Variants in CTNNA2 observed in about 807,000 individuals in gnomAD.
CTNNA2 encodes the protein catenin alpha 2.
CTNNA2 carries 42 observed loss-of-function variants against 101.0 expected under a neutral mutation model. The observed-to-expected ratio is 0.42, with a 90% CI of 0.32 to 0.54. The LOEUF (loss-of-function observed/expected upper bound fraction) is 0.54, where lower values mean the gene tolerates loss of function less well. Among genes scored for constraint, CTNNA2 ranks in the 20% least tolerant of loss-of-function variants. The pLI, the probability that CTNNA2 is intolerant of heterozygous loss-of-function variation, is 0.14. For synonymous variants in CTNNA2, 450 were observed against 456.4 expected, an observed-to-expected ratio of 0.99 and a Z score of 0.18; for missense variants, 871 against 1,223.1, an observed-to-expected ratio of 0.71 and a Z score of 4.29.
intron 2 of CTNNA2, among the ~76,000 whole-genome samples, chr2:79,267,989 A>G (rs1047711318): frequency 6.6e-6 from 1 of 152,100 alleles, no homozygotes; most frequent in Non-Finnish European, 1.5e-5. Context: ...TTATCAAAGC[A>G]CTCACTGACC....
At chr2:80,135,828 A>C (rs1268059262) in intron 7 of CTNNA2, among the ~76,000 whole-genome samples, 1 of 152,114 alleles carries the variant, frequency 6.6e-6, no homozygotes, top group Non-Finnish European at 1.5e-5. Flanking sequence ...AATGCTGTGG[A>C]TACTGCTCAC....
chr2:79,243,346 T>C (rs79400337), intron 2 of CTNNA2, among the ~76,000 whole-genome samples: 1,775 of 152,224 alleles, frequency 0.012, 40 homozygotes, highest in African/African-American at 0.04. Context: ...TTCTAAACAG[T>C]ATGTTTTACT....
At chr2:80,268,965 G>A (rs770557521) in intron 7 of CTNNA2, among the ~76,000 whole-genome samples, 3 of 152,144 alleles carry the variant, frequency 2.0e-5, no homozygotes, top group Admixed American at 1.3e-4. Flanking sequence ...AAGTAGCAAA[G>A]TTCATGCAAG....
At chr2:80,301,808 A>G (rs1194462178) in intron 7 of CTNNA2, 1 of 153,540 alleles carries the variant, frequency 6.5e-6, no homozygotes, top group African/African-American at 2.4e-5. Flanking sequence ...CCCACCCACC[A>G]AGGAAATTTT....
intron 18 of CTNNA2, among the ~76,000 whole-genome samples, chr2:80,627,553 T>A (rs996826249): frequency 3.3e-5 from 5 of 152,174 alleles, no homozygotes; most frequent in African/African-American, 1.2e-4. Context: ...TGCCCACTTT[T>A]TGATGGTTTT....
At chr2:80,580,829 A>C (rs530198019) in intron 13 of CTNNA2, among the ~76,000 whole-genome samples, 4 of 152,272 alleles carry the variant, frequency 2.6e-5, no homozygotes, top group African/African-American at 4.8e-5. Context: ...AGCCTGGCCA[A>C]CGTGGTGAAA....
At chr2:79,294,897 T>A (rs1413699330) in intron 2 of CTNNA2, among the ~76,000 whole-genome samples, 1 of 152,170 alleles carries the variant, frequency 6.6e-6, no homozygotes, top group Non-Finnish European at 1.5e-5. Context: ...GATTTTGATC[T>A]TATCTGCTGA....
chr2:80,426,175 G>A (rs922632545), intron 9 of CTNNA2, among the ~76,000 whole-genome samples: 2 of 152,102 alleles, frequency 1.3e-5, no homozygotes, highest in African/African-American at 2.4e-5. Flanking sequence ...AGGGTATGCC[G>A]AGCTGATCCA....
chr2:79,863,126 C>T (rs1179640609), intron 4 of CTNNA2, among the ~76,000 whole-genome samples: 1 of 145,612 alleles, frequency 6.9e-6, no homozygotes, highest in African/African-American at 2.6e-5. Flanking sequence ...ATTCTCTTTC[C>T]TGGTAGCTCA....
chr2:80,424,587 T>A (rs543638394), intron 9 of CTNNA2, among the ~76,000 whole-genome samples: 78 of 152,292 alleles, frequency 5.1e-4, no homozygotes, highest in Non-Finnish European at 8.4e-4. Flanking sequence ...GCAGACCATT[T>A]CATTACAATC....
Position 79,719,977 on chromosome 2 carries a change from T to G in CTNNA2, c.103-24410T>G, listed in dbSNP as rs751313407. On this transcript the variant is annotated intron_variant, in intron 2 of 18. Transcript: ENST00000402739. ...CAAAAATTCTTTGCCAAGGCCAATGTTGAGAAGGGTATTTCCTAGATTTTC... is the reference window on the plus strand; with the variant it reads ...CAAAAATTCTTTGCCAAGGCCAATGGTGAGAAGGGTATTTCCTAGATTTTC... Among the ~76,000 whole-genome samples the G allele has an allele frequency of 3.6e-4, 55 of 152,324 alleles. 1 individual carries two copies. The highest frequency in any genetic ancestry group is 1.1e-3 in the African/African-American group (47 of 41,582).
intron 7 of CTNNA2, among the ~76,000 whole-genome samples, chr2:80,005,122 G>A (rs1459733478): frequency 1.3e-5 from 2 of 152,172 alleles, no homozygotes; most frequent in Non-Finnish European, 2.9e-5. Flanking sequence ...AAGTAACACA[G>A]GAAAGACTGA....
chr2:80,398,743 T>C (rs1678278446), intron 8 of CTNNA2, among the ~76,000 whole-genome samples: 1 of 149,566 alleles, frequency 6.7e-6, no homozygotes, highest in Admixed American at 6.6e-5. Context: ...GGCACGTGCC[T>C]GTAATCCCAG....
chr2:79,874,516 A>G (rs553875519), intron 6 of CTNNA2, among the ~76,000 whole-genome samples, 174 bp downstream of exon 6: 26 of 152,354 alleles, frequency 1.7e-4, no homozygotes, highest in African/African-American at 5.3e-4. Flanking sequence ...CTAAGCCATT[A>G]TCACTTGTCT....
At chr2:80,289,904 G>C (rs1296961496) in intron 7 of CTNNA2, among the ~76,000 whole-genome samples, 1 of 152,186 alleles carries the variant, frequency 6.6e-6, no homozygotes, top group African/African-American at 2.4e-5. Context: ...TCACAGCAGT[G>C]ACCAAGAGCA....
intron 7 of CTNNA2, among the ~76,000 whole-genome samples, chr2:80,050,295 A>C (rs1696794234): frequency 6.6e-6 from 1 of 152,160 alleles, no homozygotes; most frequent in Non-Finnish European, 1.5e-5. Context: ...AAGTCCAAGT[A>C]TGAGCAGGGC....
intron 7 of CTNNA2, among the ~76,000 whole-genome samples, chr2:80,207,426 G>A (rs1039735304): frequency 1.3e-4 from 20 of 152,176 alleles, no homozygotes; most frequent in South Asian, 4.1e-4. Context: ...AACTAAAACC[G>A]CATGGAGACT....
intron 1 of CTNNA2, among the ~76,000 whole-genome samples, chr2:79,558,145 C>G (rs1416813929): frequency 6.6e-6 from 1 of 151,848 alleles, no homozygotes; most frequent in Non-Finnish European, 1.5e-5. Context: ...TTAGTATGTT[C>G]AGGTAGTTTC....
At chr2:80,350,488 A>C (rs1222331737) in intron 7 of CTNNA2, among the ~76,000 whole-genome samples, 1 of 152,210 alleles carries the variant, frequency 6.6e-6, no homozygotes, top group Admixed American at 6.5e-5. Context: ...CAGTTGCTAC[A>C]AGAAGTGGCA....
Sources: gnomAD v4.1 joint callset for allele counts (sites outside exome capture counted in the v4.1 genomes callset) on GRCh38, gnomAD v4.1.1 for gene constraint, MANE v1.5 for transcripts, NCBI Gene and HGNC (gene_info 2026-07-23, HGNC 2026-07-21) for gene names.